The following CYP2C19 variants were observed in gnomAD, a reference collection of about 807,000 sequenced individuals.
CYP2C19 encodes the protein cytochrome P450 2C19.
Under a neutral mutation model 40.9 loss-of-function variants are expected in CYP2C19, and 59 were observed. The ratio of observed to expected loss-of-function variants is 1.44; its 90% CI spans 1.17 to 1.79. The LOEUF (loss-of-function observed/expected upper bound fraction) is 1.79. Among genes scored for constraint, CYP2C19 ranks in the 40% most tolerant of loss-of-function variants. The pLI is 0.00. For missense variants in CYP2C19, 754 were observed against 596.9 expected, an observed-to-expected ratio of 1.26 and a Z score of -2.74; for synonymous variants, 253 against 208.7, an observed-to-expected ratio of 1.21 and a Z score of -1.83.
At chr10:94,767,769 T>C (rs963460102) in intron 1 of CYP2C19, among the ~76,000 whole-genome samples, 2 of 152,292 alleles carry the variant, frequency 1.3e-5, no homozygotes, top group Non-Finnish European at 2.9e-5. Context: ...GCTTCAGGTA[T>C]AAGTACCTGT....
At chr10:94,842,413 T>A (rs890604057) in intron 6 of CYP2C19, among the ~76,000 whole-genome samples, 11 of 124,926 alleles carry the variant, frequency 8.8e-5, no homozygotes, top group East Asian at 2.3e-4. Context: ...TTTTTTTTTT[T>A]AGGCAACAGA....
At chr10:94,808,527 T>C (rs372907430) in intron 5 of CYP2C19, among the ~76,000 whole-genome samples, 196 of 152,302 alleles carry the variant, frequency 1.3e-3, no homozygotes, top group African/African-American at 4.5e-3. Flanking sequence ...CTAGGACTTA[T>C]TCATTAATTA....
chr10:94,852,913 G>A lies in CYP2C19; in HGVS notation c.1472G>A (p.Ter491=), dbSNP rs1849677408. ...TATCAGCTGTGCTTCATTCCTGTCT[G>A]AAGAAGCACAGATGGTCTGGCTGCT... is the stretch of plus-strand genomic sequence containing the variant. ...PFYQLCFIPV[*] The change falls in exon 9 of 9, where the codon TGA becomes TAA. Residue 491 remains the stop codon, a stop_retained_variant. Transcript: ENST00000371321. The A allele has an allele frequency of 2.5e-6, 4 of 1,613,724 alleles. No homozygotes were observed. Among genetic ancestry groups the A allele is most frequent in the Admixed American group, 1.7e-5 (1 of 59,950 alleles).
intron 1 of CYP2C19, among the ~76,000 whole-genome samples, chr10:94,764,577 T>G (rs901162899): frequency 1.3e-5 from 2 of 152,088 alleles, no homozygotes; most frequent in African/African-American, 4.8e-5. Context: ...CGGTGATGAC[T>G]GCTGTAGCTA....
At chr10:94,829,913 C>A (rs902581299) in intron 6 of CYP2C19, among the ~76,000 whole-genome samples, 2 of 152,210 alleles carry the variant, frequency 1.3e-5, no homozygotes, top group East Asian at 3.9e-4. Context: ...AATAACCTGC[C>A]GTGTGAGGTG....
intron 1 of CYP2C19, among the ~76,000 whole-genome samples, chr10:94,764,715 T>C (rs1848217601): frequency 6.6e-6 from 1 of 152,072 alleles, no homozygotes; most frequent in Non-Finnish European, 1.5e-5. Context: ...TTAGTTGAGC[T>C]CATTTGGGGT....
chr10:94,845,369 T>C (rs935677534), intron 7 of CYP2C19, among the ~76,000 whole-genome samples: 1 of 152,228 alleles, frequency 6.6e-6, no homozygotes, highest in African/African-American at 2.4e-5. Context: ...AAAAATATTA[T>C]TTATTTGCAT....
intron 5 of CYP2C19, among the ~76,000 whole-genome samples, chr10:94,816,579 CTTTTT>C (rs199878684): frequency 2.8e-5 from 4 of 145,214 alleles, no homozygotes; most frequent in African/African-American, 7.5e-5. Flanking sequence ...TAGTCTCTTT[CTTTTT>C]TTTTTTATTA....
intron 6 of CYP2C19, among the ~76,000 whole-genome samples, chr10:94,826,359 G>T (rs1327528811): frequency 6.6e-6 from 1 of 152,082 alleles, no homozygotes; most frequent in South Asian, 2.1e-4. Context: ...AGTTCTCCTT[G>T]AAGAGGTCCT....
intron 6 of CYP2C19, among the ~76,000 whole-genome samples, chr10:94,833,462 T>A (rs12258243): frequency 0.19 from 29,030 of 152,042 alleles, 2,964 homozygotes; most frequent in Middle Eastern, 0.23. Context: ...TCTTTTTTTT[T>A]ATTATACTTT....
chr10:94,781,393 G>T (rs948151084), intron 4 of CYP2C19, among the ~76,000 whole-genome samples: 3 of 152,032 alleles, frequency 2.0e-5, no homozygotes, highest in African/African-American at 7.2e-5. Context: ...AATTTCAGAG[G>T]CTGCTTGATA....
intron 5 of CYP2C19, among the ~76,000 whole-genome samples, chr10:94,794,618 C>T (rs1848656898): frequency 6.6e-6 from 1 of 152,104 alleles, no homozygotes; most frequent in Non-Finnish European, 1.5e-5. Flanking sequence ...AGGTCCTTCA[C>T]ATCTCTTGTA....
At chr10:94,802,791 T>C (rs1848784921) in intron 5 of CYP2C19, among the ~76,000 whole-genome samples, 1 of 152,156 alleles carries the variant, frequency 6.6e-6, no homozygotes, top group East Asian at 1.9e-4. Context: ...GGTGACAAAA[T>C]CTTTCAGTAT....
intron 1 of CYP2C19, 91 bp from the exon 2 acceptor site, chr10:94,774,967 A>G: frequency 7.3e-7 from 1 of 1,365,708 alleles, no homozygotes; most frequent in Non-Finnish European, 1.0e-6. Context: ...ATAAAAGCAT[A>G]CAAATACAAT....
chr10:94,813,538 G>T (rs1003782502), intron 5 of CYP2C19, among the ~76,000 whole-genome samples: 16 of 152,038 alleles, frequency 1.1e-4, no homozygotes, highest in South Asian at 2.1e-4. Flanking sequence ...AGCTGAAGTG[G>T]ACTCCACCTA....
chr10:94,830,250 C>G (rs544031973), intron 6 of CYP2C19, among the ~76,000 whole-genome samples: 1 of 152,248 alleles, frequency 6.6e-6, no homozygotes, highest in Non-Finnish European at 1.5e-5. Context: ...GCCCCTCCCC[C>G]AGCCTTGCTG....
At chr10:94,823,379 G>T (rs988836423) in intron 6 of CYP2C19, among the ~76,000 whole-genome samples, 21 of 152,258 alleles carry the variant, frequency 1.4e-4, no homozygotes, top group African/African-American at 5.1e-4. Context: ...TGAGGTGTAG[G>T]CTAGAAAGGC....
chr10:94,833,651 A>C (rs1286862837), intron 6 of CYP2C19, among the ~76,000 whole-genome samples: 7 of 152,226 alleles, frequency 4.6e-5, no homozygotes, highest in African/African-American at 1.7e-4. Context: ...CTTTGTAGGA[A>C]CATGGATGAA....
chr10:94,804,416 C>T (rs554558890), intron 5 of CYP2C19, among the ~76,000 whole-genome samples: 3 of 152,180 alleles, frequency 2.0e-5, no homozygotes, highest in Non-Finnish European at 2.9e-5. Flanking sequence ...AAAATATCTG[C>T]GTGGCCATGA....
Sources: gnomAD v4.1 joint callset for allele counts (sites outside exome capture counted in the v4.1 genomes callset) on GRCh38, gnomAD v4.1.1 for gene constraint, MANE v1.5 for transcripts, NCBI Gene and HGNC (gene_info 2026-07-23, HGNC 2026-07-21) for gene names.